The following DMD variants were observed in gnomAD, a reference collection of about 807,000 sequenced individuals.
DMD encodes the protein dystrophin.
In DMD, 63 loss-of-function variants were observed where a neutral mutation model predicts 330.1. The ratio of observed to expected loss-of-function variants is 0.19; its 90% confidence interval spans 0.16 to 0.24. The LOEUF is 0.24. DMD is among the 10% of genes least tolerant of loss of function. The pLI is 1.00. For synonymous variants in DMD, 1,223 were observed against 959.8 expected (o/e 1.27, Z -5.07); for missense variants, 3,344 against 2,684.1 (o/e 1.25, Z -5.43).
At chrX:32,931,468 T>G (rs985054356) in intron 2 of DMD, among the ~76,000 whole-genome samples, 1 of 111,770 alleles carries the variant, frequency 8.9e-6, no homozygotes, top group African/African-American at 3.2e-5. Context: ...GAAAATAGAG[T>G]AACTGTGTTA....
chrX:32,899,468 G>C (rs2086030668), intron 2 of DMD, among the ~76,000 whole-genome samples: 2 of 109,926 alleles, frequency 1.8e-5, no homozygotes, highest in South Asian at 7.9e-4. Context: ...GAGATCAAGA[G>C]ATCGAGACCA....
intron 2 of DMD, among the ~76,000 whole-genome samples, chrX:33,017,357 GT>G (rs1440832672): frequency 2.1e-5 from 2 of 93,274 alleles, no homozygotes; most frequent in Non-Finnish European, 4.5e-5. Flanking sequence ...ATTATCATCT[GT>G]CTGTGTGGTA....
At chrX:32,258,866 A>G (rs1179413912) in intron 43 of DMD, among the ~76,000 whole-genome samples, 5 of 111,374 alleles carry the variant, frequency 4.5e-5, no homozygotes, top group Non-Finnish European at 7.5e-5. Flanking sequence ...GAACATAGCC[A>G]TAGGTAGGAT....
chrX:31,474,518 A>G (rs1177172742), intron 59 of DMD, among the ~76,000 whole-genome samples: 3 of 104,980 alleles, frequency 2.9e-5, no homozygotes, highest in East Asian at 6.0e-4. Context: ...CCTGGCCAAC[A>G]TGGTGAAACC....
intron 62 of DMD, among the ~76,000 whole-genome samples, chrX:31,318,786 G>A (rs1385891059): frequency 1.2e-4 from 13 of 111,981 alleles, no homozygotes; most frequent in Non-Finnish European, 2.4e-4. Context: ...GAGATATTTC[G>A]AAAGGGAACC....
At chrX:31,358,165 CA>C (rs756950232) in intron 60 of DMD, among the ~76,000 whole-genome samples, 2 of 108,736 alleles carry the variant, frequency 1.8e-5, no homozygotes, top group African/African-American at 6.7e-5. Flanking sequence ...GTAAGCTCCC[CA>C]AATGCTCATA....
chrX:33,027,693 A>C (rs1009757656), intron 1 of DMD, among the ~76,000 whole-genome samples: 2 of 108,478 alleles, frequency 1.8e-5, no homozygotes, highest in African/African-American at 7.0e-5. Flanking sequence ...AAATATACAG[A>C]TAAGTTGCCT....
chrX:33,213,225 C>T (rs2051983503), upstream of DMD, among the ~76,000 whole-genome samples: 3 of 111,515 alleles, frequency 2.7e-5, no homozygotes, highest in South Asian at 1.1e-3. Flanking sequence ...CTAAATGTAA[C>T]AAAGATGTGT....
At chrX:32,471,050 G>T (rs1334188401) in intron 22 of DMD, among the ~76,000 whole-genome samples, 1 of 111,482 alleles carries the variant, frequency 9.0e-6, no homozygotes, top group Non-Finnish European at 1.9e-5. Flanking sequence ...GCTGAGGCAG[G>T]CAGATCATCT....
At chrX:31,207,237 C>G (rs2044169393) in intron 65 of DMD, among the ~76,000 whole-genome samples, 1 of 111,733 alleles carries the variant, frequency 8.9e-6, no homozygotes, top group Non-Finnish European at 1.9e-5. Flanking sequence ...AAATATCATA[C>G]TCTATTAAAC....
chrX:31,521,232 C>T (rs2072732382), intron 55 of DMD, among the ~76,000 whole-genome samples: 1 of 103,975 alleles, frequency 9.6e-6, no homozygotes, highest in South Asian at 4.4e-4. Flanking sequence ...GATCTCGGCT[C>T]ACTGCAACCT....
intron 1 of DMD, among the ~76,000 whole-genome samples, chrX:33,308,034 T>A (rs1041074963): frequency 1.8e-5 from 2 of 112,233 alleles, no homozygotes; most frequent in Non-Finnish European, 3.8e-5. Flanking sequence ...AACACATGGA[T>A]AAAATGAATG....
At chrX:31,278,027 A>AAG (rs66834124) in intron 62 of DMD, among the ~76,000 whole-genome samples, 9,490 of 104,572 alleles carry the variant, frequency 0.091, 381 homozygotes, top group African/African-American at 0.14. Context: ...AAAAAAAAAA[A>AAG]AAAATATGAA....
At chrX:32,760,516 T>G (rs1266218000) in intron 7 of DMD, among the ~76,000 whole-genome samples, 1 of 111,652 alleles carries the variant, frequency 9.0e-6, no homozygotes, top group Admixed American at 9.5e-5. Context: ...CTCTCTCCCA[T>G]TCTACTGTAT....
chrX:32,726,055 T>G (rs756033253), intron 7 of DMD, among the ~76,000 whole-genome samples: 9 of 111,295 alleles, frequency 8.1e-5, no homozygotes, highest in Non-Finnish European at 1.7e-4. Flanking sequence ...TAAATAATGT[T>G]TTGAACATTC....
At chrX:33,314,687 C>A (rs892824438) in intron 1 of DMD, among the ~76,000 whole-genome samples, 15 of 106,167 alleles carry the variant, frequency 1.4e-4, no homozygotes, top group African/African-American at 5.2e-4. Flanking sequence ...CTAGAGGCTG[C>A]CTACATTCCT....
intron 55 of DMD, among the ~76,000 whole-genome samples, chrX:31,540,129 G>C (rs1254747263): frequency 8.9e-6 from 1 of 112,103 alleles, no homozygotes; most frequent in Non-Finnish European, 1.9e-5. Context: ...TTCACAAATC[G>C]ATATTCTAAA....
chrX:32,777,597 T>C (rs2074306309), intron 7 of DMD, among the ~76,000 whole-genome samples: 1 of 111,327 alleles, frequency 9.0e-6, no homozygotes, highest in African/African-American at 3.3e-5. Context: ...TTCGCAGTTT[T>C]CCAAAAGAAA....
At chrX:31,453,790 A>AAAC (rs57895121) in intron 59 of DMD, among the ~76,000 whole-genome samples, 1 of 100,145 alleles carries the variant, frequency 1.0e-5, no homozygotes, top group Non-Finnish European at 2.0e-5. Context: ...AAAAAAAAAA[A>AAAC]CCACAAAATA....
Sources: gnomAD v4.1 joint callset for allele counts (sites outside exome capture counted in the v4.1 genomes callset) on GRCh38, gnomAD v4.1.1 for gene constraint, MANE v1.5 for transcripts, NCBI Gene and HGNC (gene_info 2026-07-23, HGNC 2026-07-21) for gene names.